Variants in VWC2L observed in about 807,000 individuals in gnomAD.
VWC2L encodes von Willebrand factor C domain-containing protein 2-like.
Under a neutral mutation model 21.6 loss-of-function variants are expected in VWC2L, and 10 were observed. That is an observed-to-expected ratio of 0.46 (90% CI 0.29 to 0.78). The LOEUF is 0.78. VWC2L is among the 30% of genes least tolerant of loss of function. The pLI, the probability that VWC2L is intolerant of heterozygous loss-of-function variation, is 0.10. For synonymous variants in VWC2L, 96 were observed against 94.3 expected (o/e 1.02, Z -0.10); for missense variants, 209 against 277.1 (o/e 0.75, Z 1.74).
At chr2:214,542,121 T>C (rs1436485108) in intron 3 of VWC2L, among the ~76,000 whole-genome samples, 5 of 152,158 alleles carry the variant, frequency 3.3e-5, no homozygotes, top group Non-Finnish European at 7.3e-5. Context: ...TTATTTTAGG[T>C]GGCTCTCACC....
At chr2:214,524,187 G>A (rs1314166998) in intron 3 of VWC2L, among the ~76,000 whole-genome samples, 4 of 152,014 alleles carry the variant, frequency 2.6e-5, no homozygotes, top group East Asian at 3.9e-4. Context: ...TAAAACTCAC[G>A]TGACAAACTT....
At chr2:214,540,630 G>A (rs989359869) in intron 3 of VWC2L, among the ~76,000 whole-genome samples, 3 of 152,272 alleles carry the variant, frequency 2.0e-5, no homozygotes, top group African/African-American at 7.2e-5. Context: ...AATGAACAGT[G>A]CATTCTTACT....
intron 3 of VWC2L, among the ~76,000 whole-genome samples, chr2:214,462,893 T>C (rs1048417696): frequency 6.6e-6 from 1 of 152,238 alleles, no homozygotes; most frequent in Non-Finnish European, 1.5e-5. Context: ...ATTCTTTGAA[T>C]CATAGGTTAT....
At chr2:214,475,499 C>A (rs1286226867) in intron 3 of VWC2L, among the ~76,000 whole-genome samples, 1 of 151,954 alleles carries the variant, frequency 6.6e-6, no homozygotes, top group Admixed American at 6.6e-5. Context: ...GAAAAATATA[C>A]CCATATTATT....
chr2:214,419,636 A>G (rs903098429), intron 2 of VWC2L, among the ~76,000 whole-genome samples: 1 of 152,196 alleles, frequency 6.6e-6, no homozygotes, highest in African/African-American at 2.4e-5. Context: ...GCCCAAGATC[A>G]GTGCCCTGCT....
chr2:214,466,369 T>C (rs1460677966), intron 3 of VWC2L, among the ~76,000 whole-genome samples: 3 of 152,198 alleles, frequency 2.0e-5, no homozygotes, highest in African/African-American at 7.2e-5. Flanking sequence ...TCTTTGTTCC[T>C]ATGAATGTAA....
intron 3 of VWC2L, among the ~76,000 whole-genome samples, chr2:214,478,479 A>C (rs900797590): frequency 2.1e-4 from 32 of 151,774 alleles, no homozygotes; most frequent in African/African-American, 4.9e-4. Context: ...AAAAAAAAAA[A>C]AACAACAAAA....
chr2:214,502,368 AAGACC>A (rs1468457016), intron 3 of VWC2L, among the ~76,000 whole-genome samples: 3 of 152,108 alleles, frequency 2.0e-5, no homozygotes, highest in Admixed American at 6.5e-5. Flanking sequence ...TCAGGAGTTC[AAGACC>A]AGCCTAGCCA....
At chr2:214,483,284 G>C (rs931288028) in intron 3 of VWC2L, among the ~76,000 whole-genome samples, 2 of 152,112 alleles carry the variant, frequency 1.3e-5, no homozygotes, top group African/African-American at 4.8e-5. Context: ...CAAATAGATG[G>C]AGAGCAGGCA....
At chr2:214,483,820 T>C (rs1418578563) in intron 3 of VWC2L, among the ~76,000 whole-genome samples, 1 of 152,098 alleles carries the variant, frequency 6.6e-6, no homozygotes, top group Admixed American at 6.6e-5. Context: ...AGACAAGCCA[T>C]GGTGAAGCAG....
At chr2:214,532,553 T>A (rs966595461) in intron 3 of VWC2L, among the ~76,000 whole-genome samples, 8 of 152,164 alleles carry the variant, frequency 5.3e-5, no homozygotes, top group African/African-American at 1.9e-4. Flanking sequence ...CCATTTTTTG[T>A]TGGTATTGAA....
At chr2:214,508,217 C>T (rs1448860033) in intron 3 of VWC2L, among the ~76,000 whole-genome samples, 3 of 152,026 alleles carry the variant, frequency 2.0e-5, no homozygotes, top group Non-Finnish European at 4.4e-5. Flanking sequence ...CTTCGTGATC[C>T]GCTGCCTCAG....
At chr2:214,556,409 G>T (rs1689873606) in intron 3 of VWC2L, among the ~76,000 whole-genome samples, 2 of 152,112 alleles carry the variant, frequency 1.3e-5, no homozygotes, top group South Asian at 4.1e-4. Flanking sequence ...AAACAAAATT[G>T]TCTTAACTTG....
At chr2:214,528,471 C>A (rs188459773) in intron 3 of VWC2L, among the ~76,000 whole-genome samples, 1 of 152,290 alleles carries the variant, frequency 6.6e-6, no homozygotes, top group East Asian at 1.9e-4. Flanking sequence ...TTTCTCAAGA[C>A]AATTGTAATA....
chr2:214,459,006 G>C (rs947781827), intron 3 of VWC2L, among the ~76,000 whole-genome samples: 2 of 152,116 alleles, frequency 1.3e-5, no homozygotes, highest in African/African-American at 4.8e-5. Flanking sequence ...CCAATGCTGA[G>C]AGTGGTTTGA....
At chr2:214,540,130 C>T (rs889298184) in intron 3 of VWC2L, among the ~76,000 whole-genome samples, 2 of 152,106 alleles carry the variant, frequency 1.3e-5, no homozygotes, top group African/African-American at 4.8e-5. Context: ...TTGAATAGAA[C>T]TTACATCTGC....
intron 3 of VWC2L, among the ~76,000 whole-genome samples, chr2:214,537,102 A>C (rs1202659481): frequency 6.6e-6 from 1 of 151,786 alleles, no homozygotes; most frequent in Non-Finnish European, 1.5e-5. Flanking sequence ...TCTCTCCCAT[A>C]ATCTGGGTTA....
intron 3 of VWC2L, among the ~76,000 whole-genome samples, chr2:214,488,106 C>G (rs2126199718): frequency 6.6e-6 from 1 of 152,328 alleles, no homozygotes; most frequent in African/African-American, 2.4e-5. Context: ...ATATCTTCTG[C>G]TCCACCAATT....
intron 3 of VWC2L, among the ~76,000 whole-genome samples, chr2:214,462,618 AT>A (rs1703159862): frequency 6.6e-6 from 1 of 152,010 alleles, no homozygotes; most frequent in South Asian, 2.1e-4. Flanking sequence ...TATCAGTTTT[AT>A]TTTCTCAAAG....
Sources: allele counts gnomAD v4.1 joint callset (sites outside exome capture counted in the v4.1 genomes callset), GRCh38; gene constraint gnomAD v4.1.1; transcripts MANE v1.5; gene names NCBI Gene and HGNC (gene_info 2026-07-23, HGNC 2026-07-21).